The following CCDC171 variants were observed in gnomAD, a reference collection of about 807,000 sequenced individuals.
CCDC171 encodes coiled-coil domain-containing protein 171.
A neutral mutation model predicts 168.2 loss-of-function variants in CCDC171; 177 were observed. The observed-to-expected ratio is 1.05, with a 90% CI of 0.93 to 1.19. The LOEUF is 1.19. Ranked by LOEUF, CCDC171 falls within the 50% of genes most tolerant of loss-of-function variation. The probability of loss-of-function intolerance (pLI) is 0.00; values close to 1 mark genes in which losing one functional copy is unlikely to be tolerated. For synonymous variants in CCDC171, 687 were observed against 540.8 expected, an observed-to-expected ratio of 1.27 and a Z score of -3.75; for missense variants, 1,991 against 1,539.0, an observed-to-expected ratio of 1.29 and a Z score of -4.91.
chr9:15,640,412 A>C (rs1324131904), intron 7 of CCDC171, among the ~76,000 whole-genome samples: 1 of 152,096 alleles, frequency 6.6e-6, no homozygotes, highest in African/African-American at 2.4e-5. Context: ...ACCACCTTCA[A>C]ATTAGAATGC....
At chr9:15,632,089 C>T (rs2045761706) in intron 7 of CCDC171, among the ~76,000 whole-genome samples, 1 of 152,038 alleles carries the variant, frequency 6.6e-6, no homozygotes, top group Non-Finnish European at 1.5e-5. Context: ...AAACTGGAAG[C>T]ATTCCCTTTG....
At chr9:15,674,731 G>T (rs2049388019) in intron 9 of CCDC171, among the ~76,000 whole-genome samples, 1 of 152,158 alleles carries the variant, frequency 6.6e-6, no homozygotes, top group Non-Finnish European at 1.5e-5. Context: ...GAGACAGTTT[G>T]TTATAATTTC....
chr9:15,599,141 C>A (rs974665113), intron 6 of CCDC171, among the ~76,000 whole-genome samples: 3 of 152,098 alleles, frequency 2.0e-5, no homozygotes, highest in Non-Finnish European at 2.9e-5. Flanking sequence ...GCATTTAGCC[C>A]ATTTACATTT....
At chr9:15,949,053 T>G (rs1267154404) in intron 25 of CCDC171, among the ~76,000 whole-genome samples, 1 of 152,170 alleles carries the variant, frequency 6.6e-6, no homozygotes, top group African/African-American at 2.4e-5. Context: ...CTAGCCAGTT[T>G]TCCCAGCACC....
At chr9:15,686,407 A>G (rs1005959632) in intron 10 of CCDC171, among the ~76,000 whole-genome samples, 12 of 152,102 alleles carry the variant, frequency 7.9e-5, no homozygotes, top group African/African-American at 2.9e-4. Context: ...ATCATTAAAG[A>G]TAATATATGT....
intron 21 of CCDC171, among the ~76,000 whole-genome samples, chr9:15,814,494 A>G (rs775537667): frequency 6.6e-6 from 1 of 152,184 alleles, no homozygotes; most frequent in Non-Finnish European, 1.5e-5. Context: ...CCTTGAAATG[A>G]CATTGCTTAT....
At chr9:16,000,758 A>T (rs1157585518) in intron 3 of CCDC171, among the ~76,000 whole-genome samples, 2 of 151,954 alleles carry the variant, frequency 1.3e-5, no homozygotes, top group Admixed American at 6.6e-5. Flanking sequence ...TACTATGTGC[A>T]GAAGTGTATG....
At chr9:15,981,087 A>C (rs1223354053) in intron 3 of CCDC171, among the ~76,000 whole-genome samples, 1 of 152,116 alleles carries the variant, frequency 6.6e-6, no homozygotes, top group Non-Finnish European at 1.5e-5. Context: ...AAAAGCCAGG[A>C]AAGACGTGCC....
intron 7 of CCDC171, among the ~76,000 whole-genome samples, chr9:15,631,972 CCT>C (rs1215006046): frequency 6.6e-6 from 1 of 152,002 alleles, no homozygotes; most frequent in African/African-American, 2.4e-5. Flanking sequence ...ATTCAACAAC[CCT>C]TCATGCTAAA....
At chr9:15,680,249 T>G (rs2049950116) in intron 10 of CCDC171, among the ~76,000 whole-genome samples, 1 of 152,224 alleles carries the variant, frequency 6.6e-6, no homozygotes, top group African/African-American at 2.4e-5. Flanking sequence ...AGAATCCTCT[T>G]CTCAGCAGTT....
intron 1 of CCDC171, among the ~76,000 whole-genome samples, chr9:16,058,142 A>G (rs1338923766): frequency 6.6e-6 from 1 of 152,126 alleles, no homozygotes; most frequent in Non-Finnish European, 1.5e-5. Flanking sequence ...AAAAATGAAG[A>G]GTAGCTCTTG....
rs138504027 is a variant in CCDC171, at chr9:15,636,546, C to T, written c.822+13133C>T. 8.7e-3 allele frequency among the ~76,000 whole-genome samples: 1,315 copies of T among 151,002 alleles called. 10 individuals carry two copies. Among genetic ancestry groups the T allele is most frequent in the Non-Finnish European group, 0.014 (958 of 67,664 alleles). On this transcript the variant is annotated intron_variant, in intron 7 of 25. Coordinates refer to ENST00000380701, the MANE Select transcript of CCDC171 (RefSeq NM_173550.4). The stretch of plus-strand genomic sequence containing the variant: ...GGCAGATCACTTGAGACCAGGAGTT[C>T]AAGACCAGCCTTGGCAACATGGTGA...
intron 3 of CCDC171, among the ~76,000 whole-genome samples, chr9:16,005,488 G>A (rs1832669945): frequency 6.6e-6 from 1 of 152,168 alleles, no homozygotes; most frequent in South Asian, 2.1e-4. Flanking sequence ...GTGAACATAT[G>A]TTTTCTTTTG....
At chr9:15,780,408 T>A (rs980451160) in intron 20 of CCDC171, among the ~76,000 whole-genome samples, 1 of 152,098 alleles carries the variant, frequency 6.6e-6, no homozygotes, top group Non-Finnish European at 1.5e-5. Flanking sequence ...TTAGACTGGG[T>A]ATGGTGGCTC....
chr9:15,952,213 C>A lies in CCDC171; in HGVS notation c.3754-19396C>A, dbSNP rs1042296411. On this transcript the variant is annotated intron_variant, in intron 25 of 25. Coordinates refer to ENST00000380701, the MANE Select transcript of CCDC171 (RefSeq NM_173550.4). ...CATTATCTGATGCTTTACTTCTGAG[C>A]TCTCTATTCTGTTCTATTGGTCTCT... is the stretch of plus-strand genomic sequence containing the variant. Among the ~76,000 whole-genome samples, 31 of 152,184 alleles carry A rather than the reference C, an allele frequency of 2.0e-4. 1 individual carries two copies. The highest frequency in any genetic ancestry group is 7.2e-4 in the African/African-American group (30 of 41,532).
chr9:15,707,460 G>A (rs1289234749), intron 11 of CCDC171, among the ~76,000 whole-genome samples: 1 of 152,180 alleles, frequency 6.6e-6, no homozygotes, highest in Non-Finnish European at 1.5e-5. Context: ...GTAGTTGATA[G>A]TTGGAATAAA....
the CCDC171 span, among the ~76,000 whole-genome samples, chr9:16,072,153 A>G: frequency 3.3e-5 from 5 of 152,254 alleles, no homozygotes; most frequent in African/African-American, 1.2e-4. Flanking sequence ...TATGAATTTT[A>G]CAGATTAAAC....
At chr9:15,669,596 C>G (rs77837616) in intron 9 of CCDC171, among the ~76,000 whole-genome samples, 3,022 of 152,072 alleles carry the variant, frequency 0.02, 107 homozygotes, top group African/African-American at 0.07. Context: ...ATTTTTGTAC[C>G]CATTAACCAT....
At chr9:16,077,616 A>C in the CCDC171 span, among the ~76,000 whole-genome samples, 1 of 152,030 alleles carries the variant, frequency 6.6e-6, no homozygotes, top group South Asian at 2.1e-4. Context: ...TCTAAACCCA[A>C]CCCACAGGTT....
Sources: gnomAD v4.1 joint callset for allele counts (sites outside exome capture counted in the v4.1 genomes callset) on GRCh38, gnomAD v4.1.1 for gene constraint, MANE v1.5 for transcripts, NCBI Gene and HGNC (gene_info 2026-07-23, HGNC 2026-07-21) for gene names.